ZNF496: variants seen among roughly 807,000 people sequenced by gnomAD.
ZNF496 encodes the protein zinc finger protein 496.
A neutral mutation model predicts 58.9 loss-of-function variants in ZNF496; 11 were observed. That is an observed-to-expected ratio of 0.19 (90% CI 0.12 to 0.31). ZNF496 has a LOEUF of 0.31. Among genes scored for constraint, ZNF496 ranks in the 10% least tolerant of loss-of-function variants. The pLI, the probability that ZNF496 is intolerant of heterozygous loss-of-function variation, is 1.00. For missense variants in ZNF496, 660 were observed against 783.0 expected (o/e 0.84, Z 1.88); for synonymous variants, 338 against 318.2 (o/e 1.06, Z -0.66).
In ZNF496 at chr1:247,311,873, T is replaced by TA. The variant is rs1264467887; in HGVS notation, c.652-1418dup. On this transcript the variant is annotated intron_variant, in intron 6 of 9. Transcript: ENST00000682384. Reference sequence around the variant, plus strand: ...GAACTTCGCTGATGGCCCCACCATCTAGGGCTTCAGGGGTGACTGAAGCGG... The same window carrying TA: ...GAACTTCGCTGATGGCCCCACCATCTAAGGGCTTCAGGGGTGACTGAAGCGG... 5.9e-5 allele frequency: 9 copies of TA among 152,324 alleles called. No homozygotes were observed. The East Asian group carries it at 1.7e-3, about 29-fold the overall frequency. The allele number at this position is 152,324 out of a possible 1,614,324, so 9.4% of individuals were successfully genotyped here. A position where few individuals can be genotyped will look rare whatever the true frequency, so the allele number is the denominator to read the frequency against.
chr1:247,300,212 G>A lies in ZNF496; in HGVS notation c.*307C>T, dbSNP rs935758608. 3.9e-6 allele frequency: 1 copy of A among 254,770 alleles called. No homozygotes were observed. The highest frequency in any genetic ancestry group is 7.5e-6 in the Non-Finnish European group (1 of 133,772). 15.8% of individuals were successfully genotyped at this position (254,770 alleles called of 1,614,324 possible). The stretch of plus-strand genomic sequence containing the variant: ...GGGGGATAGCCCAGTTTTACTCCCC[G>A]AGCTTGGGGAGCATGGGCCAAGGGT... On this transcript the variant is annotated 3_prime_UTR_variant, in exon 10 of 10. Transcript: ENST00000682384. This position sits in a 1 kb window ranked among gnomAD's most constrained non-coding sequence, Gnocchi z 5.7.
chr1:247,309,896 T>A lies in ZNF496; in HGVS notation c.785-90A>T. 1 of 1,480,408 alleles carries A rather than the reference T, an allele frequency of 6.8e-7. No homozygotes were observed. Among genetic ancestry groups the A allele is most frequent in the Non-Finnish European group, 9.2e-7 (1 of 1,086,866 alleles). 91.7% of individuals were successfully genotyped at this position (1,480,408 alleles called of 1,614,324 possible). A position where few individuals can be genotyped will look rare whatever the true frequency, so the allele number is the denominator to read the frequency against. ...GTCCAGAAGAGAGAAGGCGGAGGGA[T>A]GCCCAGCGGGCATGGCACCATCAGG... is the stretch of plus-strand genomic sequence containing the variant. On this transcript the variant is annotated intron_variant, in intron 7 of 9. Coordinates refer to ENST00000682384, the MANE Select transcript of ZNF496 (RefSeq NM_032752.3). This position sits in a 1 kb window ranked among gnomAD's most constrained non-coding sequence, Gnocchi z 4.3.
At chr1:247,311,430 G>GACAGAGACACAC (rs370174927) in intron 6 of ZNF496, 8 of 139,480 alleles carry the variant, frequency 5.7e-5, no homozygotes, top group Non-Finnish European at 1.2e-4. Flanking sequence ...CACACACAGA[G>GACAGAGACACAC]ACACACACAC....
Position 247,308,601 on chromosome 1 carries a change from G to T in ZNF496, c.893-13C>A. The T allele has an allele frequency of 7.4e-6, 12 of 1,611,358 alleles. No individual in the cohort carries two copies. The highest frequency in any genetic ancestry group is 1.0e-5 in the Non-Finnish European group (12 of 1,177,632). On this transcript the variant is annotated splice_polypyrimidine_tract_variant and intron_variant, in intron 8 of 9. Transcript: ENST00000682384. The surrounding 1 kb of genome is among the most constrained non-coding windows in gnomAD (Gnocchi z 4.5). ...AGACTTGGAGAGTCTTTCCAGAGGA[G>T]GAAATGGAAAAATTGATTTGTTTTG...
chr1:247,310,223 C>T (rs1659558175), intron 7 of ZNF496, 101 bp downstream of exon 7: 42 of 1,552,166 alleles, frequency 2.7e-5, no homozygotes, highest in East Asian at 6.8e-5. Context: ...ATGCAGGCCC[C>T]GCTTCCCTGA....
At chr1:247,307,402 T>C (rs1264514020) in intron 9 of ZNF496, 5 of 985,276 alleles carry the variant, frequency 5.1e-6, no homozygotes, top group Non-Finnish European at 1.2e-6. Flanking sequence ...TGAACATCCA[T>C]CCATCTTCTA....
chr1:247,321,930 C>T (rs1345343423), intron 6 of ZNF496, among the ~76,000 whole-genome samples: 1 of 152,180 alleles, frequency 6.6e-6, no homozygotes, highest in East Asian at 1.9e-4. Flanking sequence ...TGGAGATGCC[C>T]CCTAACTGGG....
rs750204847 is a variant in ZNF496 at position 247,309,813 on chromosome 1, A to C, written c.785-7T>G. 1 of 1,614,064 alleles carries C rather than the reference A, an allele frequency of 6.2e-7. No homozygotes were observed. Among genetic ancestry groups the C allele is most frequent in the Non-Finnish European group, 8.5e-7 (1 of 1,179,970 alleles). On this transcript the variant is annotated splice_region_variant and splice_polypyrimidine_tract_variant and intron_variant, in intron 7 of 9. Transcript: ENST00000682384. This position sits in a 1 kb window ranked among gnomAD's most constrained non-coding sequence, Gnocchi z 4.3. Reference sequence around the variant, plus strand: ...GGCTGGGCAGCTAGGTCGTCTGTTCAAAGAAAAAGGCAGGGTACATGTTTA... The same window carrying C: ...GGCTGGGCAGCTAGGTCGTCTGTTCCAAGAAAAAGGCAGGGTACATGTTTA...
intron 6 of ZNF496, among the ~76,000 whole-genome samples, chr1:247,314,032 T>G (rs1659695662): frequency 6.6e-6 from 1 of 152,158 alleles, no homozygotes; most frequent in Admixed American, 6.5e-5. Context: ...CATGGGAATG[T>G]GTCAAAAACC....
intron 5 of ZNF496, among the ~76,000 whole-genome samples, chr1:247,324,283 A>G (rs749594157): frequency 6.6e-6 from 1 of 152,240 alleles, no homozygotes. Flanking sequence ...ATAGAAGCAG[A>G]GATCAGAATG....
intron 6 of ZNF496, among the ~76,000 whole-genome samples, chr1:247,314,476 T>C (rs1659709066): frequency 7.1e-6 from 1 of 141,722 alleles, no homozygotes; most frequent in Non-Finnish European, 1.5e-5. Flanking sequence ...TGATGGTATA[T>C]CCATATAATA....
At chr1:247,304,121 G>A (rs573650006) in intron 9 of ZNF496, 2 of 394,762 alleles carry the variant, frequency 5.1e-6, no homozygotes, top group South Asian at 1.9e-5. Context: ...CTACAAACTG[G>A]CCGATAGATC....
At chr1:247,328,960 G>A in intron 4 of ZNF496, 94 bp from the exon 5 acceptor site, 1 of 1,477,814 alleles carries the variant, frequency 6.8e-7, no homozygotes, top group Non-Finnish European at 9.1e-7. Flanking sequence ...GACCATCAAA[G>A]GCTCAACTTA....
chr1:247,298,791 G>A lies in ZNF496; in HGVS notation c.*1728C>T, dbSNP rs1429536385. The A allele has an allele frequency of 6.6e-6, 1 of 152,184 alleles. No individual in the cohort carries two copies. The highest frequency in any genetic ancestry group is 1.5e-5 in the Non-Finnish European group (1 of 68,046). The allele number at this position is 152,184 out of a possible 1,614,324, so 9.4% of individuals were successfully genotyped here. ...TTGATGCCCTCTCTTGCTGACCCTAGCCAACATAACCAGTCTTCCAGGAAC... is the reference window on the plus strand; with the variant it reads ...TTGATGCCCTCTCTTGCTGACCCTAACCAACATAACCAGTCTTCCAGGAAC... On this transcript the variant is annotated 3_prime_UTR_variant, in exon 10 of 10. Transcript: ENST00000682384.
In ZNF496 at chr1:247,328,785, G is replaced by A; in HGVS notation, c.472C>T (p.Pro158Ser). Residue 158 changes from proline (P) to serine (S), a missense_variant, in exon 5 of 10, where the codon CCC (proline) becomes TCC (serine). By Grantham distance (74) the Pro-to-Ser change is moderately conservative (BLOSUM62 -1). Transcript: ENST00000682384. ...TGGTTCTTTGCAAGGTCGCTGTGGG[G>A]CTCTACCGGCAGCTGCTCCTGCTCC... ...DQEQEQLPVE[P>S]HSDLAKNQDA... is the part of the protein sequence containing the mutation. 1 of 1,613,716 alleles carries A rather than the reference G, an allele frequency of 6.2e-7. No individual in the cohort carries two copies. The highest frequency in any genetic ancestry group is 8.5e-7 in the Non-Finnish European group (1 of 1,179,872).
chr1:247,326,016 G>GTA lies in ZNF496; in HGVS notation c.574+2665_574+2666dup, dbSNP rs750086483. Among the ~76,000 whole-genome samples the GTA allele has an allele frequency of 5.8e-3, 832 of 143,620 alleles. 4 individuals are homozygous for GTA. The highest frequency in any genetic ancestry group is 0.018 in the Middle Eastern group (5 of 276). 94.2% of individuals were successfully genotyped at this position (143,620 alleles called of 152,430 possible). ...AACACTTTGGGAGGCTGAGACATAT[G>GTA]TATATATATATATACACACGCATAT... On this transcript the variant is annotated intron_variant, in intron 5 of 9. Transcript: ENST00000682384.
intron 5 of ZNF496, among the ~76,000 whole-genome samples, chr1:247,325,525 A>G (rs921646361): frequency 1.3e-5 from 2 of 152,146 alleles, no homozygotes; most frequent in Non-Finnish European, 2.9e-5. Flanking sequence ...AACATTTCTT[A>G]TTTACTTTCT....
rs529750746 is a variant in ZNF496 at position 247,320,433 on chromosome 1, A to G, written c.651+2721T>C. Reference sequence around the variant, plus strand: ...AACATTCTTGAAATGAAATGACATCACAGAGCTGAAAAACAGATCAGTGGT... The same window carrying G: ...AACATTCTTGAAATGAAATGACATCGCAGAGCTGAAAAACAGATCAGTGGT... On this transcript the variant is annotated intron_variant, in intron 6 of 9. Transcript: ENST00000682384. 4.6e-5 allele frequency among the ~76,000 whole-genome samples: 7 copies of G among 152,346 alleles called. No individual in the cohort carries two copies. In the East Asian group the frequency reaches 1.3e-3, roughly 29 times the overall value.
At position 247,309,299 on chromosome 1, in the gene ZNF496, T is replaced by A; in HGVS notation, c.892+400A>T. 1.3e-6 allele frequency: 1 copy of A among 789,302 alleles called. No individual in the cohort carries two copies. The highest frequency in any genetic ancestry group is 1.6e-6 in the Non-Finnish European group (1 of 635,936). The allele number at this position is 789,302 out of a possible 1,614,324, so 48.9% of individuals were successfully genotyped here. ...CCCTGTACCAGGCAGATGGGAAGAC[T>A]AGACAGGTGAGGCACCTCAAAGGGC... On this transcript the variant is annotated intron_variant, in intron 8 of 9. Transcript: ENST00000682384. The surrounding 1 kb of genome is among the most constrained non-coding windows in gnomAD (Gnocchi z 4.3).
Sources: gnomAD v4.1 joint callset for allele counts (sites outside exome capture counted in the v4.1 genomes callset) on GRCh38, gnomAD v4.1.1 for gene constraint, Gnocchi (gnomAD v3.1) non-coding constraint, MANE v1.5 for transcripts, NCBI Gene and HGNC (gene_info 2026-07-23, HGNC 2026-07-21) for gene names.